The following TBC1D16 variants were observed in gnomAD, a reference collection of about 807,000 sequenced individuals.
The protein encoded by TBC1D16 is TBC1 domain family member 16, also known as CTD-2529O21.1.
Under a neutral mutation model 74.7 loss-of-function variants are expected in TBC1D16, and 58 were observed. The observed-to-expected ratio is 0.78, with a 90% CI of 0.63 to 0.97. The LOEUF (loss-of-function observed/expected upper bound fraction) is 0.97, where lower values mean the gene tolerates loss of function less well. Among genes scored for constraint, TBC1D16 ranks in the 50% least tolerant of loss-of-function variants. TBC1D16 has a pLI of 0.00. For synonymous variants in TBC1D16, 493 were observed against 474.7 expected, an observed-to-expected ratio of 1.04 and a Z score of -0.50; for missense variants, 1,014 against 1,079.5, an observed-to-expected ratio of 0.94 and a Z score of 0.85.
At position 79,935,450 on chromosome 17, in the gene TBC1D16, T is replaced by G. The variant is rs1382123083; in HGVS notation, c.*5409A>C. The G allele has an allele frequency of 6.6e-6, 1 of 152,266 alleles. No individual in the cohort carries two copies. Among genetic ancestry groups the G allele is most frequent in the East Asian group, 1.9e-4 (1 of 5,184 alleles). 9.4% of individuals were successfully genotyped at this position (152,266 alleles called of 1,614,324 possible). A position where few individuals can be genotyped will look rare whatever the true frequency, so the allele number is the denominator to read the frequency against. ...GGACCCTCAGTCCCCACAGCCCCCATCCAGCTCTCTTTTACACCTTCCCCT... is the reference window on the plus strand; with the variant it reads ...GGACCCTCAGTCCCCACAGCCCCCAGCCAGCTCTCTTTTACACCTTCCCCT... On this transcript the variant is annotated 3_prime_UTR_variant, in exon 12 of 12. Transcript: ENST00000310924.
At chr17:79,948,132 G>A (rs1309316670) in intron 8 of TBC1D16, among the ~76,000 whole-genome samples, 2 of 152,188 alleles carry the variant, frequency 1.3e-5, no homozygotes, top group South Asian at 2.1e-4. Context: ...CCAACATGGT[G>A]AAACCCTGTC....
intron 11 of TBC1D16, 33 bp downstream of exon 11, chr17:79,942,027 G>GA (rs755039639): frequency 6.4e-7 from 1 of 1,553,992 alleles, no homozygotes; most frequent in South Asian, 1.2e-5. Flanking sequence ...TGGGGGCGGG[G>GA]CGGGGTGGGG....
Position 79,950,478 on chromosome 17 carries a change from C to T in TBC1D16, c.1190G>A (p.Gly397Asp). The T allele has an allele frequency of 6.2e-7, 1 of 1,613,094 alleles. No homozygotes were observed. Among genetic ancestry groups the T allele is most frequent in the East Asian group, 2.2e-5 (1 of 44,840 alleles). Residue 397 changes from glycine (G) to aspartate (D), a missense_variant, in exon 6 of 12, where the codon GGC (glycine) becomes GAC (aspartate). Gly to Asp is a moderately conservative substitution (Grantham distance 94, BLOSUM62 -1). Transcript: ENST00000310924. The surrounding 1 kb of genome is among the most constrained non-coding windows in gnomAD (Gnocchi z 4.6). Reference protein sequence around the residue: ...HPEESMYKRLGVSAWLNHLNE... With the variant: ...HPEESMYKRLDVSAWLNHLNE... Reference sequence around the variant, plus strand: ...CAGGTGGTTGAGCCAGGCGGAGACGCCGAGCCTCTTGTACATGCTCTCCTC... The same window carrying T: ...CAGGTGGTTGAGCCAGGCGGAGACGTCGAGCCTCTTGTACATGCTCTCCTC...
Position 79,979,408 on chromosome 17 carries a change from T to A in TBC1D16, c.780-26590A>T, listed in dbSNP as rs60140147. On this transcript the variant is annotated intron_variant, in intron 3 of 11. Coordinates refer to ENST00000310924, the MANE Select transcript of TBC1D16 (RefSeq NM_019020.4). This position sits in a 1 kb window ranked among gnomAD's most constrained non-coding sequence, Gnocchi z 4.8. ...CAGTGCCGCCAATCACGTGGCCCTCTCGAGGTGAAGCTGCGACACTGTGTG... is the reference window on the plus strand; with the variant it reads ...CAGTGCCGCCAATCACGTGGCCCTCACGAGGTGAAGCTGCGACACTGTGTG... Among the ~76,000 whole-genome samples the A allele has an allele frequency of 5.4e-3, 815 of 152,170 alleles. 7 individuals carry two copies. Among genetic ancestry groups the A allele is most frequent in the African/African-American group, 0.019 (792 of 41,526 alleles).
At chr17:80,026,558 A>C (rs1377820794) in intron 1 of TBC1D16, among the ~76,000 whole-genome samples, 1 of 149,992 alleles carries the variant, frequency 6.7e-6, no homozygotes, top group Non-Finnish European at 1.5e-5. Flanking sequence ...TGTGTGGACC[A>C]ATGCCGAGAA....
intron 4 of TBC1D16, chr17:79,951,976 G>A (rs2033080182): frequency 5.7e-6 from 1 of 174,500 alleles, no homozygotes; most frequent in Admixed American, 6.0e-5. Context: ...AGAACCTCCT[G>A]GGAACAGACC....
At chr17:80,006,846 A>C (rs976209630) in intron 3 of TBC1D16, among the ~76,000 whole-genome samples, 1 of 152,054 alleles carries the variant, frequency 6.6e-6, no homozygotes, top group Non-Finnish European at 1.5e-5. Context: ...TTTTTTATAG[A>C]GATGAGGTTT....
At chr17:79,949,959 T>G in intron 6 of TBC1D16, 94 bp from the exon 7 acceptor site, 104 of 1,433,690 alleles carry the variant, frequency 7.3e-5, no homozygotes, top group Non-Finnish European at 9.1e-5. Flanking sequence ...TGGTTTTTGG[T>G]GCGCCTTGAT....
chr17:79,963,411 T>C (rs1256286415), intron 3 of TBC1D16, among the ~76,000 whole-genome samples: 1 of 152,180 alleles, frequency 6.6e-6, no homozygotes, highest in Non-Finnish European at 1.5e-5. Context: ...TGCCGTAGCG[T>C]GGGTCAGAAT....
chr17:79,948,244 C>T (rs1037892676), intron 8 of TBC1D16, among the ~76,000 whole-genome samples: 2 of 145,148 alleles, frequency 1.4e-5, no homozygotes, highest in African/African-American at 2.6e-5. Flanking sequence ...ACCCGGAAAG[C>T]GGAAGTTGCA....
intron 11 of TBC1D16, 29 bp downstream of exon 11, chr17:79,942,031 G>A (rs1343619100): frequency 1.3e-6 from 2 of 1,587,584 alleles, no homozygotes. Context: ...GGCGGGGCGG[G>A]GTGGGGCCCA....
At chr17:80,014,469 G>A (rs992766029) in intron 1 of TBC1D16, among the ~76,000 whole-genome samples, 4 of 151,908 alleles carry the variant, frequency 2.6e-5, no homozygotes, top group African/African-American at 4.8e-5. Flanking sequence ...GAAAAAAATG[G>A]GTGCTCCACA....
intron 9 of TBC1D16, among the ~76,000 whole-genome samples, chr17:79,946,100 T>A (rs1030783890): frequency 1.3e-5 from 2 of 152,212 alleles, no homozygotes; most frequent in African/African-American, 4.8e-5. Context: ...TCTGTTGGCA[T>A]CAGCTCTCCC....
In TBC1D16 at chr17:79,990,301, G is replaced by A. The variant is rs570710985; in HGVS notation, c.779+19859C>T. 3.3e-5 allele frequency among the ~76,000 whole-genome samples: 5 copies of A among 152,338 alleles called. No individual in the cohort carries two copies. Among genetic ancestry groups the A allele is most frequent in the African/African-American group, 1.2e-4 (5 of 41,574 alleles). ...AGCCAGCGAGGGGCCGGCTCCAGGTGGTGGGAGCCCACGCCCCCGGCCAGC... is the reference window on the plus strand; with the variant it reads ...AGCCAGCGAGGGGCCGGCTCCAGGTAGTGGGAGCCCACGCCCCCGGCCAGC... On this transcript the variant is annotated intron_variant, in intron 3 of 11. Transcript: ENST00000310924. This position sits in a 1 kb window ranked among gnomAD's most constrained non-coding sequence, Gnocchi z 4.8.
In TBC1D16 at chr17:80,008,977, C is replaced by T. The variant is rs1203043987; in HGVS notation, c.779+1183G>A. On this transcript the variant is annotated intron_variant, in intron 3 of 11. Transcript: ENST00000310924. This position sits in a 1 kb window ranked among gnomAD's most constrained non-coding sequence, Gnocchi z 4.5. ...AGACCCAGCTGGGTTCACATCCCAG[C>T]TTGGCCCGGGCACTGGCTGGGAGAC... 1.3e-5 allele frequency among the ~76,000 whole-genome samples: 2 copies of T among 152,226 alleles called. No individual in the cohort carries two copies. The highest frequency in any genetic ancestry group is 1.3e-4 in the Admixed American group (2 of 15,290).
chr17:80,008,798 T>C lies in TBC1D16; in HGVS notation c.779+1362A>G, dbSNP rs533573422. Among the ~76,000 whole-genome samples the C allele has an allele frequency of 6.6e-4, 100 of 152,224 alleles. No individual in the cohort carries two copies. The highest frequency in any genetic ancestry group is 1.4e-3 in the Non-Finnish European group (94 of 68,036). ...TTATCGGTTCACCCTGGGGCTCTAA[T>C]GGACTGCATCTTTACTGGAGGGATA... is the stretch of plus-strand genomic sequence containing the variant. On this transcript the variant is annotated intron_variant, in intron 3 of 11. Transcript: ENST00000310924. This position sits in a 1 kb window ranked among gnomAD's most constrained non-coding sequence, Gnocchi z 4.5.
At chr17:80,023,319 C>T (rs534451126) in intron 1 of TBC1D16, among the ~76,000 whole-genome samples, 2 of 149,992 alleles carry the variant, frequency 1.3e-5, no homozygotes, top group African/African-American at 2.5e-5. Context: ...AGGGGTATTG[C>T]GAACGGGCTC....
intron 3 of TBC1D16, among the ~76,000 whole-genome samples, chr17:79,960,664 G>A (rs886075031): frequency 4.6e-5 from 7 of 151,210 alleles, no homozygotes; most frequent in Non-Finnish European, 1.5e-5. Flanking sequence ...GCTGAGGCAG[G>A]AGAATCACTT....
Position 79,951,323 on chromosome 17 carries a change from C to T in TBC1D16, c.1089+127G>A, listed in dbSNP as rs967698061. On this transcript the variant is annotated intron_variant, in intron 5 of 11. Transcript: ENST00000310924. Reference sequence around the variant, plus strand: ...TGCTGCTCTGACGGCCAAAAACTACCGTGGGTCACACCCCGTAAGCCCCCG... The same window carrying T: ...TGCTGCTCTGACGGCCAAAAACTACTGTGGGTCACACCCCGTAAGCCCCCG... 25 of 1,191,438 alleles carry T rather than the reference C, an allele frequency of 2.1e-5. No homozygotes were observed. The African/African-American group carries it at 3.2e-4, about 15-fold the overall frequency. 73.8% of individuals were successfully genotyped at this position (1,191,438 alleles called of 1,614,324 possible). A position where few individuals can be genotyped will look rare whatever the true frequency, so the allele number is the denominator to read the frequency against.
Sources: allele counts gnomAD v4.1 joint callset (sites outside exome capture counted in the v4.1 genomes callset), GRCh38; gene constraint gnomAD v4.1.1; non-coding constraint Gnocchi (gnomAD v3.1); transcripts MANE v1.5; gene names NCBI Gene and HGNC (gene_info 2026-07-23, HGNC 2026-07-21).